The following SDK1 variants were observed in gnomAD, a reference collection of about 807,000 sequenced individuals.
The protein encoded by SDK1 is protein sidekick-1.
A neutral mutation model predicts 245.5 loss-of-function variants in SDK1; 157 were observed. The ratio of observed to expected loss-of-function variants is 0.64; its 90% confidence interval spans 0.56 to 0.73. The LOEUF (loss-of-function observed/expected upper bound fraction) is 0.73. Ranked by LOEUF, SDK1 falls within the 30% of genes least tolerant of loss-of-function variation. SDK1 has a pLI of 0.00. For synonymous variants in SDK1, 1,647 were observed against 1,278.5 expected (o/e 1.29, Z -6.15); for missense variants, 3,583 against 3,002.3 (o/e 1.19, Z -4.52).
rs528995518 is a variant in SDK1, at chr7:3,316,387, G to A, written c.298+14503G>A. On this transcript the variant is annotated intron_variant, in intron 1 of 44. Coordinates refer to ENST00000404826, the MANE Select transcript of SDK1 (RefSeq NM_152744.4). ...ACAGGTTTGTAGCCTGGGAGCAATA[G>A]GCTATATATCATATAACCTAGGTGT... Among the ~76,000 whole-genome samples the A allele has an allele frequency of 4.6e-5, 7 of 152,252 alleles. No homozygotes were observed. In the East Asian group the frequency reaches 1.3e-3, roughly 29 times the overall value.
At chr7:3,332,404 C>T (rs1428194070) in intron 1 of SDK1, among the ~76,000 whole-genome samples, 1 of 152,038 alleles carries the variant, frequency 6.6e-6, no homozygotes, top group Non-Finnish European at 1.5e-5. Flanking sequence ...TATGTAAATT[C>T]TTATTCTGTG....
In SDK1 at chr7:3,728,538, C is replaced by T. The variant is rs558821776; in HGVS notation, c.713+86433C>T. ...CTTCCCAGCATTTCTTTCTGGTCAACAGTGGAGAAAGGCCTTGTGACATTG... is the reference window on the plus strand; with the variant it reads ...CTTCCCAGCATTTCTTTCTGGTCAATAGTGGAGAAAGGCCTTGTGACATTG... On this transcript the variant is annotated intron_variant, in intron 4 of 44. Transcript: ENST00000404826. Among the ~76,000 whole-genome samples the T allele has an allele frequency of 2.2e-4, 34 of 152,344 alleles. No individual in the cohort carries two copies. The South Asian group carries it at 2.3e-3, about 10-fold the overall frequency.
intron 4 of SDK1, among the ~76,000 whole-genome samples, chr7:3,661,332 T>C (rs955624503): frequency 2.6e-5 from 4 of 152,230 alleles, no homozygotes; most frequent in Admixed American, 6.5e-5. Context: ...TGTAAGAATT[T>C]TGTCTATGGA....
chr7:3,681,192 C>T (rs922339609), intron 4 of SDK1, among the ~76,000 whole-genome samples: 1 of 59,280 alleles, frequency 1.7e-5, no homozygotes. Flanking sequence ...CCCCCGAGTG[C>T]TATAGTTTAG....
At chr7:3,658,101 A>G (rs1440211116) in intron 4 of SDK1, among the ~76,000 whole-genome samples, 1 of 152,192 alleles carries the variant, frequency 6.6e-6, no homozygotes, top group Non-Finnish European at 1.5e-5. Flanking sequence ...TGTAGAGTGC[A>G]GGTGATAACA....
intron 1 of SDK1, among the ~76,000 whole-genome samples, chr7:3,586,733 A>G (rs1446057721): frequency 6.7e-6 from 1 of 150,228 alleles, no homozygotes; most frequent in African/African-American, 2.4e-5. Context: ...GAAATAGAGG[A>G]CAGAAGCAAT....
chr7:4,060,358 G>A (rs1482054030), intron 19 of SDK1, among the ~76,000 whole-genome samples: 1 of 152,076 alleles, frequency 6.6e-6, no homozygotes. Context: ...TAGAAGGAAA[G>A]ATATAATAAA....
intron 28 of SDK1, 154 bp downstream of exon 28, chr7:4,132,577 A>G: frequency 5.2e-6 from 3 of 580,358 alleles, no homozygotes; most frequent in East Asian, 3.0e-5. Flanking sequence ...AATTCAGACT[A>G]TTAGCCGGGC....
rs141017249 is a variant in SDK1, at chr7:3,906,818, C to T, written c.848-44105C>T. Among the ~76,000 whole-genome samples, 50 of 151,902 alleles carry T rather than the reference C, an allele frequency of 3.3e-4. No individual in the cohort carries two copies. The East Asian group carries it at 9.6e-3, about 29-fold the overall frequency. On this transcript the variant is annotated intron_variant, in intron 5 of 44. Transcript: ENST00000404826. ...AAGTTTTTGTATTTTTTAGTAGAGA[C>T]GGGGTTTCACCATGTTGCCTAGGCT... is the stretch of plus-strand genomic sequence containing the variant.
chr7:3,310,061 T>G (rs1410058483), intron 1 of SDK1, among the ~76,000 whole-genome samples: 1 of 152,332 alleles, frequency 6.6e-6, no homozygotes, highest in Non-Finnish European at 1.5e-5. Flanking sequence ...TAGAGCCACA[T>G]GCTCAAAAGC....
At chr7:3,883,680 A>ACCTCGCTC (rs771962571) in intron 5 of SDK1, among the ~76,000 whole-genome samples, 11 of 145,506 alleles carry the variant, frequency 7.6e-5, no homozygotes, top group East Asian at 2.0e-4. Flanking sequence ...CGTCCTCTGG[A>ACCTCGCTC]CCTCGCTCCC....
chr7:3,472,887 A>G (rs1431950447), intron 1 of SDK1, among the ~76,000 whole-genome samples: 1 of 152,158 alleles, frequency 6.6e-6, no homozygotes, highest in African/African-American at 2.4e-5. Flanking sequence ...GGGGCTTCTG[A>G]GTAGTTGGCC....
chr7:4,158,505 C>G lies in SDK1; in HGVS notation c.4683C>G (p.Asp1561Glu), dbSNP rs1468828206. 1.9e-6 allele frequency: 3 copies of G among 1,613,754 alleles called. No homozygotes were observed. The highest frequency in any genetic ancestry group is 1.3e-5 in the African/African-American group (1 of 74,950). Residue 1561 changes from aspartate to glutamate, a missense_variant, in exon 31 of 45, where the codon GAC (aspartate) becomes GAG (glutamate). Transcript: ENST00000404826. ...LRLKATNDIG[D>E]SDFSSETEAV... ...TGAAAGCCACCAACGACATTGGGGA[C>G]AGTGACTTCAGTTCAGAGACAGAGG...
At chr7:3,977,723 C>T (rs577713513) in intron 13 of SDK1, among the ~76,000 whole-genome samples, 2 of 152,250 alleles carry the variant, frequency 1.3e-5, no homozygotes, top group African/African-American at 2.4e-5. Context: ...CTGCAGAGGA[C>T]GACCATATCT....
intron 1 of SDK1, among the ~76,000 whole-genome samples, chr7:3,581,811 C>T (rs185537204): frequency 4.6e-5 from 7 of 152,290 alleles, no homozygotes; most frequent in East Asian, 3.9e-4. Flanking sequence ...GAATACTATG[C>T]GGCCATGAAA....
chr7:3,988,020 C>T (rs1784003868), intron 14 of SDK1, among the ~76,000 whole-genome samples: 1 of 152,030 alleles, frequency 6.6e-6, no homozygotes, highest in Non-Finnish European at 1.5e-5. Context: ...CATTTGTATC[C>T]TTCACCCAGG....
intron 22 of SDK1, among the ~76,000 whole-genome samples, chr7:4,082,089 G>A (rs1013707958): frequency 2.0e-5 from 3 of 152,280 alleles, no homozygotes; most frequent in Non-Finnish European, 4.4e-5. Flanking sequence ...GTTTTCCTGG[G>A]ACCCTTGTGG....
At chr7:3,803,503 G>T (rs572832217) in intron 4 of SDK1, among the ~76,000 whole-genome samples, 69 of 151,380 alleles carry the variant, frequency 4.6e-4, no homozygotes, top group Non-Finnish European at 8.1e-4. Context: ...TAGAGAAGGG[G>T]TTTCACCATG....
At chr7:3,578,415 A>C (rs184731546) in intron 1 of SDK1, among the ~76,000 whole-genome samples, 1 of 152,086 alleles carries the variant, frequency 6.6e-6, no homozygotes, top group South Asian at 2.1e-4. Flanking sequence ...ATAAGGGTCT[A>C]TGTTCAGCTG....
Sources: allele counts gnomAD v4.1 joint callset (sites outside exome capture counted in the v4.1 genomes callset), GRCh38; gene constraint gnomAD v4.1.1; transcripts MANE v1.5; gene names NCBI Gene and HGNC (gene_info 2026-07-23, HGNC 2026-07-21).